ROBO2: variants seen among roughly 807,000 people sequenced by gnomAD.
ROBO2 encodes roundabout homolog 2.
Under a neutral mutation model 160.8 loss-of-function variants are expected in ROBO2, and 53 were observed. The ratio of observed to expected loss-of-function variants is 0.33; its 90% confidence interval spans 0.26 to 0.41. ROBO2 has a LOEUF of 0.41. Among genes scored for constraint, ROBO2 ranks in the 10% least tolerant of loss-of-function variants. The pLI is 1.00. For synonymous variants in ROBO2, 664 were observed against 611.7 expected (o/e 1.09, Z -1.26); for missense variants, 1,577 against 1,722.4 (o/e 0.92, Z 1.49).
At chr3:77,156,735 A>G (rs1440548547) in intron 2 of ROBO2, among the ~76,000 whole-genome samples, 1 of 150,058 alleles carries the variant, frequency 6.7e-6, no homozygotes, top group African/African-American at 2.4e-5. Context: ...TATATTTATT[A>G]GAATATTAAT....
At chr3:76,786,902 G>C (rs1276227094) in intron 2 of ROBO2, among the ~76,000 whole-genome samples, 1 of 151,304 alleles carries the variant, frequency 6.6e-6, no homozygotes, top group Non-Finnish European at 1.5e-5. Context: ...AAGAAAAGAG[G>C]TTTAATTGAC....
At chr3:76,436,321 T>A (rs946376694) in intron 2 of ROBO2, among the ~76,000 whole-genome samples, 1 of 152,084 alleles carries the variant, frequency 6.6e-6, no homozygotes. Context: ...TTTCAAGGAG[T>A]CTGGCATTCC....
chr3:76,385,363 C>G (rs1316698070), intron 2 of ROBO2, among the ~76,000 whole-genome samples: 1 of 152,150 alleles, frequency 6.6e-6, no homozygotes, highest in Non-Finnish European at 1.5e-5. Context: ...AAAATAGTTT[C>G]TTCAGTTCTC....
chr3:76,952,921 C>A (rs1295938141), intron 2 of ROBO2, among the ~76,000 whole-genome samples: 2 of 152,118 alleles, frequency 1.3e-5, no homozygotes, highest in East Asian at 3.9e-4. Context: ...GTTTGTAAGT[C>A]TGGCATTTTT....
At chr3:76,233,774 T>C (rs1042470217) in intron 2 of ROBO2, among the ~76,000 whole-genome samples, 1 of 152,208 alleles carries the variant, frequency 6.6e-6, no homozygotes, top group African/African-American at 2.4e-5. Context: ...ATTCAAACAA[T>C]TCATAAACGT....
chr3:76,872,422 T>A (rs1302744921), intron 2 of ROBO2, among the ~76,000 whole-genome samples: 3 of 152,120 alleles, frequency 2.0e-5, no homozygotes, highest in Non-Finnish European at 4.4e-5. Flanking sequence ...TGTAATTATA[T>A]TTTTATCCAT....
At chr3:76,633,721 C>G (rs1701580409) in intron 2 of ROBO2, among the ~76,000 whole-genome samples, 1 of 152,170 alleles carries the variant, frequency 6.6e-6, no homozygotes. Context: ...TTAATCTGCA[C>G]AACAATTCTA....
intron 2 of ROBO2, among the ~76,000 whole-genome samples, chr3:76,092,229 A>G (rs1178157647): frequency 3.4e-4 from 52 of 152,188 alleles, no homozygotes; most frequent in Admixed American, 3.3e-3. Flanking sequence ...TGTCTGCCTA[A>G]CACCTCTAAA....
intron 2 of ROBO2, among the ~76,000 whole-genome samples, chr3:76,560,959 T>G (rs1360278192): frequency 7.6e-6 from 1 of 131,844 alleles, no homozygotes; most frequent in African/African-American, 2.7e-5. Context: ...TATATATATA[T>G]ATATATATAT....
chr3:76,764,455 G>A (rs2061471473), intron 2 of ROBO2, among the ~76,000 whole-genome samples: 1 of 151,548 alleles, frequency 6.6e-6, no homozygotes, highest in Non-Finnish European at 1.5e-5. Flanking sequence ...TAATACTAAT[G>A]TTTACTTTCC....
chr3:76,090,994 G>A (rs985343069), intron 2 of ROBO2, among the ~76,000 whole-genome samples: 2 of 152,162 alleles, frequency 1.3e-5, no homozygotes, highest in Non-Finnish European at 1.5e-5. Flanking sequence ...ACAAAACTAC[G>A]AAGCTCCTAG....
At chr3:77,494,250 A>G (rs1457775611) in intron 5 of ROBO2, among the ~76,000 whole-genome samples, 3 of 151,996 alleles carry the variant, frequency 2.0e-5, no homozygotes, top group Non-Finnish European at 4.4e-5. Context: ...AAAATTGTAC[A>G]GGCTGTGTTT....
intron 2 of ROBO2, among the ~76,000 whole-genome samples, chr3:77,217,146 C>A (rs922050080): frequency 2.7e-5 from 4 of 150,122 alleles, no homozygotes; most frequent in African/African-American, 7.4e-5. Flanking sequence ...CTTTTCTTTC[C>A]TTTTTTTCTT....
chr3:77,176,323 A>C (rs1403935063), intron 2 of ROBO2, among the ~76,000 whole-genome samples: 2 of 152,046 alleles, frequency 1.3e-5, no homozygotes, highest in East Asian at 3.9e-4. Flanking sequence ...CTTACATATG[A>C]ATGAGTCAGT....
intron 2 of ROBO2, among the ~76,000 whole-genome samples, chr3:76,403,875 A>G (rs1360605909): frequency 6.6e-6 from 1 of 151,608 alleles, no homozygotes; most frequent in Non-Finnish European, 1.5e-5. Context: ...TTTGGTATTT[A>G]GGACTACCCT....
rs1947102490 is a variant in ROBO2, at chr3:75,922,472, AG to A, written c.-13-15008del. Among the ~76,000 whole-genome samples, 4 of 152,116 alleles carry A rather than the reference AG, an allele frequency of 2.6e-5. No homozygotes were observed. The South Asian group carries it at 8.3e-4, about 31-fold the overall frequency. On this transcript the variant is annotated intron_variant, in intron 1 of 26. Coordinates refer to the ROBO2 transcript ENST00000487694. ...TGTAAAAAGCAAATATCTAATCAGC[AG>A]CAAGTGTTTGCAATTCACTTGACAT...
chr3:76,855,864 G>A (rs1283260510), intron 2 of ROBO2, among the ~76,000 whole-genome samples: 2 of 152,068 alleles, frequency 1.3e-5, no homozygotes, highest in Non-Finnish European at 2.9e-5. Context: ...TATTTGGTAT[G>A]AGCCAGAAAA....
At chr3:77,086,738 C>T (rs1055022876) in intron 1 of ROBO2, among the ~76,000 whole-genome samples, 2 of 152,078 alleles carry the variant, frequency 1.3e-5, no homozygotes, top group Admixed American at 6.6e-5. Flanking sequence ...ATGCAACTAA[C>T]GCGTTTGGCT....
intron 2 of ROBO2, among the ~76,000 whole-genome samples, chr3:76,241,288 GA>G (rs1576051104): frequency 1.3e-5 from 2 of 152,072 alleles, no homozygotes; most frequent in African/African-American, 4.8e-5. Flanking sequence ...CAATGAAGAA[GA>G]AAAGCACATT....
Sources: allele counts gnomAD v4.1 joint callset (sites outside exome capture counted in the v4.1 genomes callset), GRCh38; gene constraint gnomAD v4.1.1; transcripts MANE v1.5; gene names NCBI Gene and HGNC (gene_info 2026-07-23, HGNC 2026-07-21).